Variants in STK24 observed in about 807,000 individuals in gnomAD.
STK24 encodes the protein serine/threonine kinase 24.
A neutral mutation model predicts 55.6 loss-of-function variants in STK24; 21 were observed. The ratio of observed to expected loss-of-function variants is 0.38; its 90% CI spans 0.27 to 0.54. STK24 has a LOEUF of 0.54. Ranked by LOEUF, STK24 falls within the 20% of genes least tolerant of loss-of-function variation. The pLI is 0.79. For synonymous variants in STK24, 200 were observed against 215.2 expected (o/e 0.93, Z 0.62); for missense variants, 383 against 538.4 (o/e 0.71, Z 2.86).
At chr13:98,526,319 A>G (rs1047502381) in intron 1 of STK24, among the ~76,000 whole-genome samples, 11 of 152,212 alleles carry the variant, frequency 7.2e-5, no homozygotes, top group African/African-American at 2.7e-4. Context: ...CACAGCGTGT[A>G]GCCAGCCTAA....
At chr13:98,518,558 T>C (rs905936053) in intron 2 of STK24, among the ~76,000 whole-genome samples, 5 of 152,252 alleles carry the variant, frequency 3.3e-5, no homozygotes, top group Non-Finnish European at 7.3e-5. Flanking sequence ...TTTGAGGAAC[T>C]TGAAACACAA....
At chr13:98,481,580 T>C (rs1049632974) in intron 3 of STK24, among the ~76,000 whole-genome samples, 1 of 152,230 alleles carries the variant, frequency 6.6e-6, no homozygotes, top group African/African-American at 2.4e-5. Context: ...AACTAAGTTG[T>C]CATGTGAAAT....
At chr13:98,567,063 A>C (rs1335700194) in intron 1 of STK24, among the ~76,000 whole-genome samples, 3 of 152,224 alleles carry the variant, frequency 2.0e-5, no homozygotes, top group Non-Finnish European at 4.4e-5. Context: ...AATTCTACCC[A>C]AGAAAGTACT....
intron 2 of STK24, among the ~76,000 whole-genome samples, chr13:98,483,627 C>G (rs566573870): frequency 6.6e-6 from 1 of 152,190 alleles, no homozygotes; most frequent in Admixed American, 6.5e-5. Flanking sequence ...TCCCTCCCCA[C>G]GCCCTGGGCA....
intron 6 of STK24, among the ~76,000 whole-genome samples, chr13:98,464,652 C>CCT (rs948589350): frequency 4.0e-5 from 6 of 151,604 alleles, no homozygotes; most frequent in Non-Finnish European, 7.4e-5. Flanking sequence ...TGCACCACCA[C>CCT]ACCAGGCTAA....
intron 10 of STK24, chr13:98,456,746 C>A (rs1331100694): frequency 8.5e-6 from 3 of 352,980 alleles, no homozygotes; most frequent in Admixed American, 7.8e-5. Context: ...AACACACCTG[C>A]GCCCGCTCCC....
rs1050789628 is a variant in STK24, at chr13:98,576,754, G to A, written c.33C>T (p.Pro11=). ...GCCCGCGCCCGCCTACCTGCATGCC[G>A]GGCAGGCCCGACTGCACCGGGGAGT... MAHSPVQSGL[P]GMQNLKADPE... Residue 11 remains proline, a synonymous_variant, in exon 1 of 11, where the codon CCC becomes CCT. Transcript: ENST00000539966. 7.5e-6 allele frequency: 11 copies of A among 1,457,854 alleles called. No homozygotes were observed. The highest frequency in any genetic ancestry group is 7.2e-5 in the Admixed American group (3 of 41,684). The allele number at this position is 1,457,854 out of a possible 1,614,324, so 90.3% of individuals were successfully genotyped here. A position where few individuals can be genotyped will look rare whatever the true frequency, so the allele number is the denominator to read the frequency against.
At chr13:98,535,366 A>G (rs1025358638) in intron 1 of STK24, among the ~76,000 whole-genome samples, 1 of 39,376 alleles carries the variant, frequency 2.5e-5, no homozygotes, top group African/African-American at 6.7e-5. Flanking sequence ...ACAAACAAAA[A>G]AAAAATATAT....
chr13:98,564,368 T>TCCCCTTACGAGGGCTC (rs1190926882), intron 1 of STK24, among the ~76,000 whole-genome samples: 1 of 152,174 alleles, frequency 6.6e-6, no homozygotes, highest in Non-Finnish European at 1.5e-5. Flanking sequence ...CTCGGGGGCT[T>TCCCCTTACGAGGGCTC]CCCCTTACGA....
chr13:98,547,477 G>C (rs1458478455), intron 1 of STK24, among the ~76,000 whole-genome samples: 2 of 152,190 alleles, frequency 1.3e-5, no homozygotes, highest in Non-Finnish European at 2.9e-5. Flanking sequence ...GAGCCCACCA[G>C]TTCGAGGCTA....
chr13:98,508,083 C>T (rs1895757455), intron 2 of STK24, among the ~76,000 whole-genome samples: 1 of 152,186 alleles, frequency 6.6e-6, no homozygotes, highest in Non-Finnish European at 1.5e-5. Flanking sequence ...ACGGTCCCAG[C>T]TACCCAGAAT....
Position 98,450,670 on chromosome 13 carries a change from G to A in STK24, c.*2503C>T, listed in dbSNP as rs1893144756. 6.6e-6 allele frequency: 1 copy of A among 152,262 alleles called. No individual in the cohort carries two copies. The allele number at this position is 152,262 out of a possible 1,614,324, so 9.4% of individuals were successfully genotyped here. ...GCTGAGCCAGGAGCAGCTCAGGGCT[G>A]GCACTGAGAGGCTACTGGTGACAGT... On this transcript the variant is annotated 3_prime_UTR_variant, in exon 11 of 11. Transcript: ENST00000539966.
At chr13:98,475,460 A>G (rs1368724248) in intron 3 of STK24, 102 bp from the exon 4 acceptor site, 1 of 758,316 alleles carries the variant, frequency 1.3e-6, no homozygotes, top group Non-Finnish European at 2.1e-6. Flanking sequence ...AAGGGTAATT[A>G]AAACCTGAAA....
In STK24 at chr13:98,575,406, T is replaced by TACACACAC. The variant is rs557819358; in HGVS notation, c.42+1331_42+1338dup. ...CACACATATATATACTGCTTATATA[T>TACACACAC]ACACACACACACACACACACACATA... On this transcript the variant is annotated intron_variant, in intron 1 of 10. Coordinates refer to ENST00000539966, the MANE Select transcript of STK24 (RefSeq NM_001032296.4). Among the ~76,000 whole-genome samples, 1,374 of 148,522 alleles carry TACACACAC rather than the reference T, an allele frequency of 9.3e-3. 17 individuals carry two copies. The highest frequency in any genetic ancestry group is 0.032 in the African/African-American group (1,275 of 40,102).
At chr13:98,502,194 T>C (rs1056883291) in intron 2 of STK24, among the ~76,000 whole-genome samples, 8 of 152,128 alleles carry the variant, frequency 5.3e-5, no homozygotes, top group African/African-American at 1.9e-4. Context: ...TGGTTATTTG[T>C]CTCTCTCCCT....
At chr13:98,463,080 G>A (rs2139258907) in intron 7 of STK24, among the ~76,000 whole-genome samples, 1 of 152,246 alleles carries the variant, frequency 6.6e-6, no homozygotes, top group South Asian at 2.1e-4. Flanking sequence ...CTGGCACATG[G>A]ACCTGCACTG....
intron 5 of STK24, among the ~76,000 whole-genome samples, chr13:98,469,238 A>G (rs1483143755): frequency 8.5e-5 from 13 of 152,218 alleles, no homozygotes; most frequent in Admixed American, 2.6e-4. Context: ...GAGGGCAGCC[A>G]GTACAGCACC....
chr13:98,568,773 C>T (rs1897656213), intron 1 of STK24, among the ~76,000 whole-genome samples: 1 of 152,118 alleles, frequency 6.6e-6, no homozygotes, highest in African/African-American at 2.4e-5. Flanking sequence ...GAGGCTGAGG[C>T]AGGAGAATCA....
intron 9 of STK24, among the ~76,000 whole-genome samples, chr13:98,457,926 C>G (rs567350893): frequency 6.2e-4 from 95 of 152,224 alleles, no homozygotes; most frequent in Non-Finnish European, 1.2e-3. Context: ...GGACTGTCCT[C>G]TCTGTGCTGT....
Sources: gnomAD v4.1 joint callset for allele counts (sites outside exome capture counted in the v4.1 genomes callset) on GRCh38, gnomAD v4.1.1 for gene constraint, MANE v1.5 for transcripts, NCBI Gene and HGNC (gene_info 2026-07-23, HGNC 2026-07-21) for gene names.